Variants in LDHC observed in about 807,000 individuals in gnomAD.
The protein encoded by LDHC is L-lactate dehydrogenase C chain.
In LDHC, 20 loss-of-function variants were observed where a neutral mutation model predicts 30.2. The ratio of observed to expected loss-of-function variants is 0.66; its 90% CI spans 0.47 to 0.96. The LOEUF is 0.96. Among genes scored for constraint, LDHC ranks in the 40% least tolerant of loss-of-function variants. The pLI is 0.00. For synonymous variants in LDHC, 139 were observed against 132.7 expected, an observed-to-expected ratio of 1.05 and a Z score of -0.32; for missense variants, 362 against 394.9, an observed-to-expected ratio of 0.92 and a Z score of 0.71.
In LDHC at chr11:18,451,328, A is replaced by G; in HGVS notation, c.*201A>G. Reference sequence around the variant, plus strand: ...TAAGAATCATTTATAGCTCTATTCTAATGATACCCAATCTGTACAGGTGTA... The same window carrying G: ...TAAGAATCATTTATAGCTCTATTCTGATGATACCCAATCTGTACAGGTGTA... On this transcript the variant is annotated 3_prime_UTR_variant, in exon 8 of 8. Coordinates refer to ENST00000541669, the MANE Select transcript of LDHC (RefSeq NM_017448.5). The G allele has an allele frequency of 2.5e-6, 1 of 402,398 alleles. No homozygotes were observed. Among genetic ancestry groups the G allele is most frequent in the South Asian group, 3.8e-5 (1 of 26,122 alleles). 24.9% of individuals were successfully genotyped at this position (402,398 alleles called of 1,614,324 possible). A position where few individuals can be genotyped will look rare whatever the true frequency, so the allele number is the denominator to read the frequency against.
At chr11:18,423,884 C>T (rs1025395317) in intron 3 of LDHC, among the ~76,000 whole-genome samples, 1 of 151,686 alleles carries the variant, frequency 6.6e-6, no homozygotes, top group African/African-American at 2.4e-5. Flanking sequence ...TGAGAAAAGC[C>T]TTCAATAATT....
intron 3 of LDHC, among the ~76,000 whole-genome samples, chr11:18,425,485 A>ATTGTCGTGCC (rs1304236943): frequency 6.6e-6 from 1 of 151,902 alleles, no homozygotes; most frequent in African/African-American, 2.4e-5. Flanking sequence ...GGTTCAAGTG[A>ATTGTCGTGCC]TTGTCGTGCC....
intron 6 of LDHC, among the ~76,000 whole-genome samples, chr11:18,444,220 A>C (rs2133845195): frequency 6.6e-6 from 1 of 152,262 alleles, no homozygotes; most frequent in African/African-American, 2.4e-5. Flanking sequence ...TATTTTCATC[A>C]GGATGGTTAA....
chr11:18,431,919 C>G (rs1488066722), intron 4 of LDHC, among the ~76,000 whole-genome samples: 1 of 152,110 alleles, frequency 6.6e-6, no homozygotes, highest in African/African-American at 2.4e-5. Context: ...AAAGAACCAG[C>G]TTTTTGTTTC....
At chr11:18,430,267 G>A (rs893416191) in intron 4 of LDHC, among the ~76,000 whole-genome samples, 11 of 152,130 alleles carry the variant, frequency 7.2e-5, no homozygotes, top group African/African-American at 2.7e-4. Flanking sequence ...ATATTAGTGA[G>A]TGTATCATAT....
chr11:18,426,129 A>C (rs73438611), intron 3 of LDHC, among the ~76,000 whole-genome samples: 23,210 of 151,432 alleles, frequency 0.15, 2,008 homozygotes, highest in African/African-American at 0.23. Flanking sequence ...GACCCTCTTG[A>C]TTCAGCTTCC....
In LDHC at chr11:18,451,905, G is replaced by C. The variant is rs1259777888; in HGVS notation, c.*778G>C. The C allele has an allele frequency of 6.6e-6, 1 of 152,190 alleles. No homozygotes were observed. The highest frequency in any genetic ancestry group is 1.5e-5 in the Non-Finnish European group (1 of 68,048). 9.4% of individuals were successfully genotyped at this position (152,190 alleles called of 1,614,324 possible). On this transcript the variant is annotated 3_prime_UTR_variant, in exon 8 of 8. Transcript: ENST00000541669. ...GCTATGATTGTGTCACTGCACTCCAGCCTGGGCCACAGAGGAAGACTCAGA... is the reference window on the plus strand; with the variant it reads ...GCTATGATTGTGTCACTGCACTCCACCCTGGGCCACAGAGGAAGACTCAGA...
Position 18,449,304 on chromosome 11 carries a change from G to T in LDHC, c.835-1659G>T, listed in dbSNP as rs147924870. Among the ~76,000 whole-genome samples, 22 of 151,830 alleles carry T rather than the reference G, an allele frequency of 1.4e-4. No individual in the cohort carries two copies. In the East Asian group the frequency reaches 4.1e-3, roughly 28 times the overall value. ...ATGAAAAGAAAAATAGCCAGGCATGGTGGTGTGTGCTACTTGGGAGGCTGC... is the reference window on the plus strand; with the variant it reads ...ATGAAAAGAAAAATAGCCAGGCATGTTGGTGTGTGCTACTTGGGAGGCTGC... On this transcript the variant is annotated intron_variant, in intron 7 of 7. Transcript: ENST00000541669.
At position 18,435,007 on chromosome 11, in the gene LDHC, T is replaced by C. The variant is rs1311885241; in HGVS notation, c.592+94T>C. On this transcript the variant is annotated intron_variant, in intron 5 of 7. Transcript: ENST00000541669. ...GTTTTTTCCCTGATATTAATATAGT[T>C]GTATAAGTTTAATTTTTTTGGTATT... is the stretch of plus-strand genomic sequence containing the variant. The C allele has an allele frequency of 1.9e-5, 15 of 788,784 alleles. No individual in the cohort carries two copies. In the South Asian group the frequency reaches 3.9e-4, roughly 21 times the overall value. The allele number at this position is 788,784 out of a possible 1,614,324, so 48.9% of individuals were successfully genotyped here.
chr11:18,425,927 C>T (rs897259810), intron 3 of LDHC, among the ~76,000 whole-genome samples: 3 of 149,154 alleles, frequency 2.0e-5, no homozygotes, highest in African/African-American at 5.0e-5. Context: ...GGCAACAGAG[C>T]GAGACTCTGT....
chr11:18,422,646 T>A (rs772643730), intron 3 of LDHC, among the ~76,000 whole-genome samples: 13 of 151,112 alleles, frequency 8.6e-5, no homozygotes, highest in Non-Finnish European at 1.9e-4. Context: ...AAATAGGAAA[T>A]ACCTGGCATA....
At chr11:18,437,656 G>T (rs1379836752) in intron 5 of LDHC, among the ~76,000 whole-genome samples, 1 of 151,696 alleles carries the variant, frequency 6.6e-6, no homozygotes, top group African/African-American at 2.4e-5. Context: ...GGAGGCTGAG[G>T]CGGGAGAATG....
intron 3 of LDHC, among the ~76,000 whole-genome samples, chr11:18,417,878 A>G (rs2134047082): frequency 6.6e-6 from 1 of 152,250 alleles, no homozygotes; most frequent in South Asian, 2.1e-4. Flanking sequence ...AATCAGCCAG[A>G]GGCAACATAG....
intron 3 of LDHC, among the ~76,000 whole-genome samples, chr11:18,418,848 A>G (rs1339274303): frequency 6.6e-6 from 1 of 152,226 alleles, no homozygotes; most frequent in Non-Finnish European, 1.5e-5. Context: ...GAAATAAAAA[A>G]ATCAATCCTT....
At chr11:18,423,443 A>G (rs1411045161) in intron 3 of LDHC, among the ~76,000 whole-genome samples, 1 of 152,136 alleles carries the variant, frequency 6.6e-6, no homozygotes, top group East Asian at 1.9e-4. Context: ...AACACTGATG[A>G]TTTTCTAGAT....
At chr11:18,443,846 C>T (rs931801555) in intron 6 of LDHC, among the ~76,000 whole-genome samples, 6 of 152,158 alleles carry the variant, frequency 3.9e-5, no homozygotes, top group African/African-American at 1.4e-4. Context: ...ATTTGAATAC[C>T]AAATATTCCA....
intron 3 of LDHC, 76 bp downstream of exon 3, chr11:18,415,377 A>T (rs940252701): frequency 9.4e-6 from 7 of 744,824 alleles, no homozygotes; most frequent in Non-Finnish European, 1.6e-5. Context: ...GATGTCAATA[A>T]ATATAAAATT....
intron 7 of LDHC, among the ~76,000 whole-genome samples, chr11:18,447,819 G>A (rs1459173935): frequency 6.6e-6 from 1 of 152,142 alleles, no homozygotes; most frequent in Non-Finnish European, 1.5e-5. Flanking sequence ...GGAGGCTGAG[G>A]CCGGTGGATC....
intron 2 of LDHC, among the ~76,000 whole-genome samples, chr11:18,413,060 CTTTCTTTTTT>C (rs1156669333): frequency 2.2e-5 from 3 of 138,482 alleles, no homozygotes; most frequent in African/African-American, 8.0e-5. Context: ...CTTTCTTTTC[CTTTCTTTTTT>C]TTTCTGACTT....
Sources: allele counts gnomAD v4.1 joint callset (sites outside exome capture counted in the v4.1 genomes callset), GRCh38; gene constraint gnomAD v4.1.1; transcripts MANE v1.5; gene names NCBI Gene and HGNC (gene_info 2026-07-23, HGNC 2026-07-21).